NAV2: variants seen among roughly 807,000 people sequenced by gnomAD.
NAV2 encodes the protein helicase, APC down-regulated 1.
NAV2 carries 54 observed loss-of-function variants against 223.2 expected under a neutral mutation model. The ratio of observed to expected loss-of-function variants is 0.24; its 90% CI spans 0.19 to 0.30. The LOEUF (loss-of-function observed/expected upper bound fraction) is 0.30. NAV2 is among the 10% of genes least tolerant of loss of function. The pLI is 1.00. For missense variants in NAV2, 2,806 were observed against 3,147.5 expected (o/e 0.89, Z 2.60); for synonymous variants, 1,279 against 1,239.3 (o/e 1.03, Z -0.67).
chr11:19,841,849 G>A (rs1248203095), intron 2 of NAV2, among the ~76,000 whole-genome samples: 1 of 152,196 alleles, frequency 6.6e-6, no homozygotes, highest in Non-Finnish European at 1.5e-5. Context: ...ACCATTTAGA[G>A]AATACTTACT....
chr11:19,714,226 G>A, intron 1 of NAV2: 1 of 678,080 alleles, frequency 1.5e-6, no homozygotes, highest in Admixed American at 2.0e-5. Context: ...CTGGGGAGGA[G>A]GAAAGGTCGG....
At chr11:19,648,310 C>T (rs2047873323) in intron 1 of NAV2, among the ~76,000 whole-genome samples, 1 of 152,192 alleles carries the variant, frequency 6.6e-6, no homozygotes, top group Non-Finnish European at 1.5e-5. Context: ...TTACTATACA[C>T]ATCTCTTCCC....
chr11:19,723,108 T>C (rs77150603), intron 1 of NAV2, among the ~76,000 whole-genome samples: 4,461 of 151,830 alleles, frequency 0.029, 205 homozygotes, highest in African/African-American at 0.1. Context: ...CGCCCCTACC[T>C]TGGATGGAGG....
intron 1 of NAV2, chr11:19,760,037 C>T (rs1471193466): frequency 6.5e-6 from 1 of 153,650 alleles, no homozygotes; most frequent in Non-Finnish European, 1.5e-5. Flanking sequence ...CCATTTGACT[C>T]TATTTTCTGA....
chr11:19,772,613 A>T (rs1266167617), intron 1 of NAV2, among the ~76,000 whole-genome samples: 7 of 152,186 alleles, frequency 4.6e-5, no homozygotes. Context: ...GCTCCCTCTG[A>T]CAAGCTATCT....
chr11:19,621,791 C>T (rs183330689), intron 1 of NAV2, among the ~76,000 whole-genome samples: 2 of 152,212 alleles, frequency 1.3e-5, no homozygotes, highest in East Asian at 3.9e-4. Flanking sequence ...TTCTTGCCTT[C>T]TGGTAGCTTT....
Position 19,904,245 on chromosome 11 carries a change from G to A in NAV2, c.931+11651G>A, listed in dbSNP as rs150277625. Among the ~76,000 whole-genome samples the A allele has an allele frequency of 1.1e-4, 17 of 152,230 alleles. No homozygotes were observed. The East Asian group carries it at 3.1e-3, about 28-fold the overall frequency. On this transcript the variant is annotated intron_variant, in intron 6 of 37. Coordinates refer to ENST00000349880, the MANE Select transcript of NAV2 (RefSeq NM_145117.5). ...GTCCTTCATATATTCATGTGTCTGAGGTTATTTATTGAATGTCTTCTATGT... is the reference window on the plus strand; with the variant it reads ...GTCCTTCATATATTCATGTGTCTGAAGTTATTTATTGAATGTCTTCTATGT...
At chr11:19,379,577 A>G (rs2729888) in intron 1 of NAV2, among the ~76,000 whole-genome samples, 59,743 of 151,938 alleles carry the variant, frequency 0.39, 12,954 homozygotes, top group African/African-American at 0.58. Context: ...AGAAAGTGAC[A>G]GCCTCCTTAG....
chr11:19,445,702 T>G (rs1003858865), intron 1 of NAV2, among the ~76,000 whole-genome samples: 1 of 151,762 alleles, frequency 6.6e-6, no homozygotes, highest in Non-Finnish European at 1.5e-5. Flanking sequence ...ACTAGCTGGA[T>G]CTAGCTCTGT....
intron 8 of NAV2, among the ~76,000 whole-genome samples, chr11:19,943,925 TGGTGGCTC>T: frequency 7.0e-6 from 1 of 141,924 alleles, no homozygotes; most frequent in Non-Finnish European, 1.6e-5. Context: ...AGGCCGTGTG[TGGTGGCTC>T]ACGCCTGTAA....
At chr11:19,892,711 G>A (rs2041607568) in intron 6 of NAV2, 117 bp downstream of exon 6, 3 of 1,102,718 alleles carry the variant, frequency 2.7e-6, no homozygotes, top group Admixed American at 6.1e-5. Context: ...TTGAGAATGA[G>A]TTACAAGGAC....
intron 1 of NAV2, among the ~76,000 whole-genome samples, chr11:19,354,394 T>A (rs1853496780): frequency 6.6e-6 from 1 of 152,216 alleles, no homozygotes. Flanking sequence ...TTATAATTAG[T>A]TTAAACTTCA....
rs1366361219 is a variant in NAV2, at chr11:20,103,264, C to A, written c.6427C>A (p.Gln2143Lys). The A allele has an allele frequency of 6.2e-7, 1 of 1,612,978 alleles. No individual in the cohort carries two copies. The highest frequency in any genetic ancestry group is 1.3e-5 in the African/African-American group (1 of 74,922). Reference sequence around the variant, plus strand: ...TTCCTGGCCACCATAGGAATTGCGCCAGTACCTGTCCAACCTTGCTGACCA... The same window carrying A: ...TTCCTGGCCACCATAGGAATTGCGCAAGTACCTGTCCAACCTTGCTGACCA... Reference protein sequence around the residue: ...VDHKSSKELRQYLSNLADQCN... With the variant: ...VDHKSSKELRKYLSNLADQCN... The change falls in exon 33 of 38, where the codon CAG becomes AAG. Residue 2143 changes from glutamine (Q) to lysine (K), a missense_variant. Physicochemically the swap from Gln to Lys is moderately conservative, Grantham distance 53. Coordinates refer to ENST00000349880, the MANE Select transcript of NAV2 (RefSeq NM_145117.5).
At chr11:20,041,451 C>T (rs1334354524) in intron 12 of NAV2, among the ~76,000 whole-genome samples, 1 of 152,114 alleles carries the variant, frequency 6.6e-6, no homozygotes, top group Non-Finnish European at 1.5e-5. Context: ...GTAGTAAGTA[C>T]TCAATAAATT....
intron 8 of NAV2, among the ~76,000 whole-genome samples, chr11:19,945,263 T>C (rs1296652173): frequency 1.3e-5 from 2 of 150,426 alleles, no homozygotes; most frequent in Admixed American, 6.6e-5. Flanking sequence ...CTGTCTTTTC[T>C]TTCTTGCTTG....
intron 11 of NAV2, among the ~76,000 whole-genome samples, chr11:20,008,914 G>A (rs1217924485): frequency 6.6e-6 from 1 of 151,944 alleles, no homozygotes; most frequent in East Asian, 1.9e-4. Flanking sequence ...TCTTTTCCTC[G>A]ACTGCTGTAT....
At chr11:19,837,254 T>C (rs2152926022) in intron 2 of NAV2, among the ~76,000 whole-genome samples, 1 of 152,170 alleles carries the variant, frequency 6.6e-6, no homozygotes, top group Middle Eastern at 3.4e-3. Context: ...CATTTAAAAA[T>C]AGATATATCA....
In NAV2 at chr11:20,117,772, C is replaced by T. The variant is rs545870372; in HGVS notation, c.7165-361C>T. On this transcript the variant is annotated intron_variant, in intron 37 of 37. Transcript: ENST00000349880. The stretch of plus-strand genomic sequence containing the variant: ...GGCTAGGCCTGAAAGGTGTGCCCCT[C>T]CTAAATAAAAAATAAATAAGCTATG... Among the ~76,000 whole-genome samples, 9 of 152,276 alleles carry T rather than the reference C, an allele frequency of 5.9e-5. No homozygotes were observed. In the South Asian group the frequency reaches 1.9e-3, roughly 32 times the overall value.
At chr11:19,745,754 A>G (rs550486139) in intron 1 of NAV2, among the ~76,000 whole-genome samples, 46 of 152,112 alleles carry the variant, frequency 3.0e-4, no homozygotes, top group Middle Eastern at 6.8e-3. Context: ...GCAGTTCACA[A>G]TCGGGTTCAC....
Sources: gnomAD v4.1 joint callset for allele counts (sites outside exome capture counted in the v4.1 genomes callset) on GRCh38, gnomAD v4.1.1 for gene constraint, MANE v1.5 for transcripts, NCBI Gene and HGNC (gene_info 2026-07-23, HGNC 2026-07-21) for gene names.